Variants in AOX1 observed in about 807,000 individuals in gnomAD.
AOX1 encodes the protein aldehyde oxidase 1, also known as aldehyde oxidase.
A neutral mutation model predicts 169.5 loss-of-function variants in AOX1; 153 were observed. The observed-to-expected ratio is 0.90, with a 90% CI of 0.79 to 1.03. AOX1 has a LOEUF of 1.03. AOX1 is among the 50% of genes least tolerant of loss of function. The pLI, the probability that AOX1 is intolerant of heterozygous loss-of-function variation, is 0.00. For missense variants in AOX1, 1,656 were observed against 1,663.9 expected (o/e 1.00, Z 0.08); for synonymous variants, 562 against 581.9 (o/e 0.97, Z 0.49).
chr2:200,669,475 A>T, intron 33 of AOX1, 100 bp from the exon 34 acceptor site: 4 of 1,191,098 alleles, frequency 3.4e-6, no homozygotes, highest in Non-Finnish European at 4.8e-6. Context: ...GTACATATGT[A>T]GTACGTAATA....
At chr2:200,630,416 G>A (rs1033495414) in intron 20 of AOX1, among the ~76,000 whole-genome samples, 6 of 151,652 alleles carry the variant, frequency 4.0e-5, no homozygotes, top group South Asian at 4.2e-4. Flanking sequence ...CCAGCTACTC[G>A]GAAGGCTGAG....
At chr2:200,615,316 T>G (rs1451020040) in intron 15 of AOX1, among the ~76,000 whole-genome samples, 1 of 152,216 alleles carries the variant, frequency 6.6e-6, no homozygotes, top group African/African-American at 2.4e-5. Flanking sequence ...TGGTTTTATT[T>G]TCTATTAAAA....
At chr2:200,607,285 T>C (rs927485356) in intron 10 of AOX1, among the ~76,000 whole-genome samples, 6 of 152,222 alleles carry the variant, frequency 3.9e-5, no homozygotes, top group African/African-American at 1.4e-4. Context: ...GGATTACATT[T>C]ATTGATTTGC....
rs569031444 is a variant in AOX1, at chr2:200,602,364, A to C, written c.498+19A>C. ...CTGTAAAGTAAGTGGAAAGGACCAC[A>C]TGTTTGAGTATGTTTTCCCCAGTGA... On this transcript the variant is annotated intron_variant, in intron 6 of 34. Transcript: ENST00000374700. 2 of 1,606,840 alleles carry C rather than the reference A, an allele frequency of 1.2e-6. No homozygotes were observed. The highest frequency in any genetic ancestry group is 1.7e-6 in the Non-Finnish European group (2 of 1,174,144).
intron 32 of AOX1, among the ~76,000 whole-genome samples, chr2:200,667,757 G>A (rs114275619): frequency 1.3e-5 from 2 of 151,882 alleles, no homozygotes; most frequent in African/African-American, 4.8e-5. Flanking sequence ...ACTGCCAGGG[G>A]TGGGTGGAGG....
At chr2:200,673,319 C>CA (rs1191154164), downstream of AOX1, among the ~76,000 whole-genome samples, 1 of 152,196 alleles carries the variant, frequency 6.6e-6, no homozygotes, top group African/African-American at 2.4e-5. Context: ...TTGGATGTCT[C>CA]AAAGGCACTT....
intron 27 of AOX1, among the ~76,000 whole-genome samples, chr2:200,658,457 C>T (rs1400395741): frequency 6.6e-6 from 1 of 152,194 alleles, no homozygotes; most frequent in African/African-American, 2.4e-5. Context: ...AAGCCTATTG[C>T]ACTCTGTGTG....
chr2:200,629,002 G>A (rs1447119496), intron 20 of AOX1, among the ~76,000 whole-genome samples: 1 of 152,130 alleles, frequency 6.6e-6, no homozygotes. Context: ...TTGATCACAA[G>A]AATAGGAAGA....
At chr2:200,587,588 T>G (rs1008704993) in intron 1 of AOX1, among the ~76,000 whole-genome samples, 2 of 152,204 alleles carry the variant, frequency 1.3e-5, no homozygotes, top group Admixed American at 1.3e-4. Context: ...TCAAAAACTT[T>G]GTCTGCCCCT....
intron 32 of AOX1, among the ~76,000 whole-genome samples, chr2:200,667,328 C>T (rs959278363): frequency 1.1e-4 from 17 of 152,136 alleles, no homozygotes; most frequent in African/African-American, 4.1e-4. Context: ...TAGAGTCCCA[C>T]ACTCTCCAAT....
intron 25 of AOX1, among the ~76,000 whole-genome samples, chr2:200,643,079 C>T (rs2035386172): frequency 6.6e-6 from 1 of 152,106 alleles, no homozygotes; most frequent in Non-Finnish European, 1.5e-5. Context: ...GGGGGTATAA[C>T]TGCTACCCAC....
intron 9 of AOX1, among the ~76,000 whole-genome samples, chr2:200,605,085 A>C (rs950169312): frequency 3.9e-5 from 6 of 152,228 alleles, no homozygotes; most frequent in Non-Finnish European, 2.9e-5. Flanking sequence ...GGCTTGCTCC[A>C]TAGCAAACCA....
chr2:200,612,970 G>T (rs1358620061), intron 14 of AOX1, among the ~76,000 whole-genome samples, 177 bp downstream of exon 14: 1 of 151,746 alleles, frequency 6.6e-6, no homozygotes, highest in Non-Finnish European at 1.5e-5. Context: ...TGATGTTAGT[G>T]AATTCTGAAG....
At chr2:200,625,007 G>C (rs2034971449) in intron 19 of AOX1, among the ~76,000 whole-genome samples, 1 of 152,130 alleles carries the variant, frequency 6.6e-6, no homozygotes, top group Non-Finnish European at 1.5e-5. Flanking sequence ...TGGGTGTTGG[G>C]GGTGCTTCTT....
downstream of AOX1, among the ~76,000 whole-genome samples, chr2:200,673,546 C>G (rs866951253): frequency 2.2e-4 from 34 of 152,330 alleles, no homozygotes; most frequent in Middle Eastern, 6.8e-3. Context: ...CATTTCTCCC[C>G]TGACTATTGC....
At chr2:200,640,975 G>A (rs1021791264) in intron 23 of AOX1, 123 bp from the exon 24 acceptor site, 11 of 650,100 alleles carry the variant, frequency 1.7e-5, no homozygotes, top group East Asian at 8.1e-5. Context: ...TATACTATCC[G>A]AGAAATCACT....
At chr2:200,627,218 C>A in intron 19 of AOX1, 135 bp from the exon 20 acceptor site, 1 of 645,020 alleles carries the variant, frequency 1.6e-6, no homozygotes, top group Non-Finnish European at 2.8e-6. Flanking sequence ...TCACCAGGGT[C>A]ATGGTGAAAG....
intron 27 of AOX1, among the ~76,000 whole-genome samples, chr2:200,657,190 ATTTTTTTTT>A (rs5837752): frequency 1.6e-5 from 1 of 62,916 alleles, no homozygotes; most frequent in African/African-American, 7.9e-5. Context: ...ATATATATAT[ATTTTTTTTT>A]TTTTTTAATT....
In AOX1 at chr2:200,620,953, A is replaced by G. The variant is rs2034873068; in HGVS notation, c.1874+134A>G. 1.2e-5 allele frequency: 16 copies of G among 1,306,432 alleles called. No homozygotes were observed. In the South Asian group the frequency reaches 1.9e-4, roughly 15 times the overall value. The allele number at this position is 1,306,432 out of a possible 1,614,324, so 80.9% of individuals were successfully genotyped here. A position where few individuals can be genotyped will look rare whatever the true frequency, so the allele number is the denominator to read the frequency against. ...CAATGCAGACCAGAGGTGAAACAGG[A>G]TCGAAATGTAGGATTTACTACAACT... On this transcript the variant is annotated intron_variant, in intron 17 of 34. Transcript: ENST00000374700.
Sources: gnomAD v4.1 joint callset for allele counts (sites outside exome capture counted in the v4.1 genomes callset) on GRCh38, gnomAD v4.1.1 for gene constraint, MANE v1.5 for transcripts, NCBI Gene and HGNC (gene_info 2026-07-23, HGNC 2026-07-21) for gene names.